Variants in STARD9 observed in about 807,000 individuals in gnomAD.
The protein encoded by STARD9 is stAR-related lipid transfer protein 9.
STARD9 carries 346 observed loss-of-function variants against 399.8 expected under a neutral mutation model. The ratio of observed to expected loss-of-function variants is 0.87; its 90% CI spans 0.79 to 0.95. The LOEUF is 0.95. Ranked by LOEUF, STARD9 falls within the 40% of genes least tolerant of loss-of-function variation. The probability of loss-of-function intolerance (pLI) is 0.00; values close to 1 mark genes in which losing one functional copy is unlikely to be tolerated. For synonymous variants in STARD9, 2,203 were observed against 2,143.5 expected, an observed-to-expected ratio of 1.03 and a Z score of -0.77; for missense variants, 5,832 against 5,667.5, an observed-to-expected ratio of 1.03 and a Z score of -0.93.
chr15:42,687,998 C>G lies in STARD9; in HGVS notation c.6420C>G (p.Asn2140Lys). 6.5e-7 allele frequency: 1 copy of G among 1,537,478 alleles called. No individual in the cohort carries two copies. Among genetic ancestry groups the G allele is most frequent in the Admixed American group, 2.0e-5 (1 of 51,004 alleles). The change falls in exon 23 of 33, where the codon AAC becomes AAG. Residue 2140 changes from asparagine to lysine, a missense_variant. Coordinates refer to ENST00000290607, the MANE Select transcript of STARD9 (RefSeq NM_020759.3). ...AGAMEVNSIG[N>K]HPQVQKITPN... Reference sequence around the variant, plus strand: ...CGATGGAGGTTAACAGCATTGGGAACCATCCCCAGGTCCAGAAAATCACCC... The same window carrying G: ...CGATGGAGGTTAACAGCATTGGGAAGCATCCCCAGGTCCAGAAAATCACCC...
intron 1 of STARD9, among the ~76,000 whole-genome samples, chr15:42,582,815 C>G (rs1002385177): frequency 6.6e-6 from 1 of 152,176 alleles, no homozygotes; most frequent in Non-Finnish European, 1.5e-5. Context: ...GCCTCTCAGT[C>G]TTGCAAGTAG....
At chr15:42,675,389 A>T in intron 18 of STARD9, 1 of 493,864 alleles carries the variant, frequency 2.0e-6, no homozygotes, top group Non-Finnish European at 3.6e-6. Flanking sequence ...TTCTTTTGAG[A>T]CTGAGCTGAG....
intron 30 of STARD9, 49 bp from the exon 31 acceptor site, chr15:42,718,386 C>T: frequency 6.9e-7 from 1 of 1,452,968 alleles, no homozygotes; most frequent in Non-Finnish European, 9.3e-7. Context: ...GGCTTTAGGA[C>T]TAGGTCTGTC....
chr15:42,638,180 A>G, intron 6 of STARD9, 93 bp downstream of exon 6: 5 of 1,128,424 alleles, frequency 4.4e-6, no homozygotes, highest in Non-Finnish European at 6.4e-6. Context: ...TTCCAGAGTC[A>G]CCACAGGGAT....
Position 42,608,922 on chromosome 15 carries a change from T to TC in STARD9, c.234+23285_234+23286insC, listed in dbSNP as rs1595626422. On this transcript the variant is annotated intron_variant, in intron 3 of 32. Coordinates refer to ENST00000290607, the MANE Select transcript of STARD9 (RefSeq NM_020759.3). ...ATTCAGTCCATAGATTATGTATTCA[T>TC]GTATTCAGTCAGTGTTAACCGAGCA... 3.3e-5 allele frequency among the ~76,000 whole-genome samples: 5 copies of TC among 152,366 alleles called. No homozygotes were observed. The East Asian group carries it at 9.6e-4, about 29-fold the overall frequency.
At chr15:42,618,204 C>G (rs1265207013) in intron 3 of STARD9, among the ~76,000 whole-genome samples, 1 of 152,100 alleles carries the variant, frequency 6.6e-6, no homozygotes, top group African/African-American at 2.4e-5. Flanking sequence ...GTGATCATAG[C>G]TCACTGCATT....
chr15:42,641,116 G>A (rs1366672008), intron 7 of STARD9, among the ~76,000 whole-genome samples: 1 of 152,080 alleles, frequency 6.6e-6, no homozygotes, highest in East Asian at 1.9e-4. Context: ...TATGACTCTT[G>A]GAAGGTCATA....
At position 42,689,213 on chromosome 15, in the gene STARD9, A is replaced by G; in HGVS notation, c.7635A>G (p.Ala2545=). ...EPRLLEPSDH[A]SMCLAILEEI... ...GGCTGTTGGAGCCCTCTGACCATGCATCCATGTGCCTGGCCATCTTGGAGG... is the reference window on the plus strand; with the variant it reads ...GGCTGTTGGAGCCCTCTGACCATGCGTCCATGTGCCTGGCCATCTTGGAGG... The change falls in exon 23 of 33, where the codon GCA becomes GCG. Residue 2545 remains alanine (A), a synonymous_variant. Coordinates refer to ENST00000290607, the MANE Select transcript of STARD9 (RefSeq NM_020759.3). 2 of 1,537,286 alleles carry G rather than the reference A, an allele frequency of 1.3e-6. No individual in the cohort carries two copies. The highest frequency in any genetic ancestry group is 1.7e-6 in the Non-Finnish European group (2 of 1,146,922).
Position 42,693,557 on chromosome 15 carries a change from T to C in STARD9, c.11979T>C (p.Phe3993=), listed in dbSNP as rs894649528. 5 of 1,537,132 alleles carry C rather than the reference T, an allele frequency of 3.3e-6. No homozygotes were observed. In the African/African-American group the frequency reaches 6.8e-5, roughly 21 times the overall value. Residue 3993 remains phenylalanine (F), a synonymous_variant, in exon 23 of 33, where the codon TTT becomes TTC. Transcript: ENST00000290607. ...HSPQQSPKLQ[F]SFLGQHPQQL... ...CACAGCAGAGTCCAAAACTCCAATT[T>C]AGTTTCTTAGGGCAGCACCCTCAGC...
intron 21 of STARD9, 41 bp downstream of exon 21, chr15:42,681,653 T>C (rs1175710786): frequency 6.8e-7 from 1 of 1,460,236 alleles, no homozygotes; most frequent in Non-Finnish European, 9.1e-7. Context: ...CACCTCCTTA[T>C]TCTTTCATTT....
At chr15:42,643,651 A>G (rs8039881) in intron 7 of STARD9, among the ~76,000 whole-genome samples, 22,320 of 152,018 alleles carry the variant, frequency 0.15, 4,685 homozygotes, top group African/African-American at 0.47. Flanking sequence ...ACAGATGTGC[A>G]CCACCACGCC....
intron 3 of STARD9, among the ~76,000 whole-genome samples, chr15:42,592,631 G>A (rs1358075535): frequency 6.6e-6 from 1 of 152,146 alleles, no homozygotes; most frequent in East Asian, 1.9e-4. Flanking sequence ...TTGTAGTAGA[G>A]ACGGGTTTCT....
rs908945126 is a variant in STARD9 at position 42,644,696 on chromosome 15, GT to G, written c.559+5886del. Among the ~76,000 whole-genome samples the G allele has an allele frequency of 3.9e-5, 6 of 152,172 alleles. No homozygotes were observed. The South Asian group carries it at 1.0e-3, about 26-fold the overall frequency. On this transcript the variant is annotated intron_variant, in intron 7 of 32. Transcript: ENST00000290607. The stretch of plus-strand genomic sequence containing the variant: ...TTTCTTAAAACAACTTATGGAGTTT[GT>G]TACATCAATTGACTCTTCCTTTCAT...
chr15:42,583,244 T>G, intron 1 of STARD9, 102 bp from the exon 2 acceptor site: 2 of 796,020 alleles, frequency 2.5e-6, no homozygotes, highest in Non-Finnish European at 4.0e-6. Flanking sequence ...CTCTTAAGGG[T>G]ACAGCAGTAG....
In STARD9 at chr15:42,682,527, C is replaced by G. The variant is rs368117981; in HGVS notation, c.2489C>G (p.Ser830Cys). The change falls in exon 22 of 33, where the codon TCT (serine) becomes TGT (cysteine). Residue 830 changes from serine to cysteine, a missense_variant. Around this residue, in one of 2 missense-constraint regions of STARD9, gnomAD observed 5,828 missense variants for 5,651.1 expected, o/e 1.03. Transcript: ENST00000290607. ...PCRSKLTSCSSLSPQRLCSKH... is the reference protein window; with the variant it reads ...PCRSKLTSCSCLSPQRLCSKH... The stretch of plus-strand genomic sequence containing the variant: ...AGAAGCAAATTGACGAGTTGCAGTT[C>G]TTTGAGCCCCCAAAGACTCTGCAGC... The G allele has an allele frequency of 3.3e-6, 5 of 1,537,108 alleles. No homozygotes were observed. The African/African-American group carries it at 4.1e-5, about 13-fold the overall frequency.
At position 42,638,791 on chromosome 15, in the gene STARD9, G is replaced by C. The variant is rs1393254588; in HGVS notation, c.538G>C (p.Glu180Gln). The C allele has an allele frequency of 5.9e-6, 9 of 1,535,356 alleles. No individual in the cohort carries two copies. The highest frequency in any genetic ancestry group is 7.9e-6 in the Non-Finnish European group (9 of 1,145,792). Residue 180 changes from glutamate to glutamine, a missense_variant, in exon 7 of 33, where the codon GAG becomes CAG. Coordinates refer to ENST00000290607, the MANE Select transcript of STARD9 (RefSeq NM_020759.3). ...SYTLRVREHP[E>Q]MGPYVQGLSQ... ...TACCCTGCGGGTCAGGGAGCATCCA[G>C]AGATGGGGCCCTATGTACAAGGTGA...
Position 42,690,650 on chromosome 15 carries a change from C to A in STARD9, c.9072C>A (p.Gly3024=). Reference sequence around the variant, plus strand: ...GACCTGATGTGCACTTGACACATGGCCTTGAGCCCAAAGATGTTAACAGGG... The same window carrying A: ...GACCTGATGTGCACTTGACACATGGACTTGAGCCCAAAGATGTTAACAGGG... ...SRGPDVHLTH[G]LEPKDVNREF... The change falls in exon 23 of 33, where the codon GGC becomes GGA. Residue 3024 remains glycine (G), a synonymous_variant. Transcript: ENST00000290607. The A allele has an allele frequency of 6.5e-7, 1 of 1,537,170 alleles. No homozygotes were observed. Among genetic ancestry groups the A allele is most frequent in the African/African-American group, 1.4e-5 (1 of 73,132 alleles).
At chr15:42,667,244 G>T (rs1566917976) in intron 15 of STARD9, among the ~76,000 whole-genome samples, 2 of 150,854 alleles carry the variant, frequency 1.3e-5, no homozygotes. Flanking sequence ...GAGTGCAATG[G>T]TGCGATCTCA....
chr15:42,629,500 TTA>T (rs2059288099), intron 3 of STARD9, among the ~76,000 whole-genome samples: 1 of 152,334 alleles, frequency 6.6e-6, no homozygotes, highest in South Asian at 2.1e-4. Context: ...CTGAATTTGT[TTA>T]TGAGTTCTAA....
Sources: allele counts gnomAD v4.1 joint callset (sites outside exome capture counted in the v4.1 genomes callset), GRCh38; gene constraint gnomAD v4.1.1; regional missense constraint gnomAD v4.1.1; transcripts MANE v1.5; gene names NCBI Gene and HGNC (gene_info 2026-07-23, HGNC 2026-07-21).